Variants in RBFOX1 observed in about 807,000 individuals in gnomAD.
RBFOX1 encodes RNA binding fox-1 homolog 1, also known as RNA binding protein fox-1 homolog 1.
A neutral mutation model predicts 57.7 loss-of-function variants in RBFOX1; 8 were observed. That is an observed-to-expected ratio of 0.14 (90% CI 0.08 to 0.25). The LOEUF is 0.25. Among genes scored for constraint, RBFOX1 ranks in the 10% least tolerant of loss-of-function variants. The pLI is 1.00. For missense variants in RBFOX1, 611 were observed against 548.5 expected (o/e 1.11, Z -1.14); for synonymous variants, 326 against 222.4 (o/e 1.47, Z -4.15).
intron 1 of RBFOX1, among the ~76,000 whole-genome samples, chr16:5,291,068 G>A (rs1322677633): frequency 1.3e-5 from 2 of 152,186 alleles, no homozygotes; most frequent in Non-Finnish European, 2.9e-5. Context: ...ATCAGGAAAT[G>A]AGGCTGGAGA....
intron 4 of RBFOX1, among the ~76,000 whole-genome samples, chr16:5,941,209 C>T (rs1379781379): frequency 1.3e-5 from 2 of 151,830 alleles, no homozygotes; most frequent in Admixed American, 1.3e-4. Context: ...TAAAGAAGGG[C>T]CCAGGAGTGA....
intron 2 of RBFOX1, among the ~76,000 whole-genome samples, chr16:6,594,373 G>T (rs982541322): frequency 6.6e-6 from 1 of 152,116 alleles, no homozygotes. Flanking sequence ...AAACAAGAAT[G>T]CATGTGCGAT....
intron 1 of RBFOX1, among the ~76,000 whole-genome samples, chr16:5,433,161 G>A (rs773008165): frequency 1.3e-4 from 20 of 152,264 alleles, no homozygotes; most frequent in Non-Finnish European, 1.9e-4. Context: ...GGGATTACAC[G>A]TGTGAGCCGC....
chr16:5,992,572 G>T (rs2060419578), intron 4 of RBFOX1, among the ~76,000 whole-genome samples: 1 of 152,306 alleles, frequency 6.6e-6, no homozygotes, highest in South Asian at 2.1e-4. Context: ...TTATGTGTGT[G>T]TTGGGGAGTT....
intron 4 of RBFOX1, among the ~76,000 whole-genome samples, chr16:7,242,472 T>C (rs887726314): frequency 2.6e-5 from 4 of 152,176 alleles, no homozygotes; most frequent in Non-Finnish European, 5.9e-5. Context: ...TCACCACTTG[T>C]TGAATTTATA....
intron 3 of RBFOX1, among the ~76,000 whole-genome samples, chr16:6,875,957 C>T (rs1013461378): frequency 2.6e-5 from 4 of 152,060 alleles, no homozygotes; most frequent in African/African-American, 7.2e-5. Context: ...GCAATTATGT[C>T]ACTGCACTTC....
intron 4 of RBFOX1, among the ~76,000 whole-genome samples, chr16:7,067,202 C>G (rs549733174): frequency 6.6e-6 from 1 of 152,136 alleles, no homozygotes; most frequent in African/African-American, 2.4e-5. Context: ...ATCTTGAAAA[C>G]TTAATTAAAG....
intron 3 of RBFOX1, among the ~76,000 whole-genome samples, chr16:5,862,154 G>A (rs934261337): frequency 2.6e-5 from 4 of 152,132 alleles, no homozygotes; most frequent in African/African-American, 7.2e-5. Flanking sequence ...TGGCAAAGAC[G>A]ACCTGCTAGA....
chr16:7,594,407 A>G (rs1269339643), intron 7 of RBFOX1, among the ~76,000 whole-genome samples: 1 of 152,220 alleles, frequency 6.6e-6, no homozygotes, highest in Non-Finnish European at 1.5e-5. Context: ...GAAAAATCTG[A>G]AAGAGCTGGG....
In RBFOX1 at chr16:5,974,321, G is replaced by C. The variant is rs1986244; in HGVS notation, c.351+106986G>C. On this transcript the variant is annotated intron_variant, in intron 4 of 19. Transcript: ENST00000641259. ...GAGAGAAACATACCTGATTAAAAGA[G>C]ATCTGGGCCAGGCACGGTGGCTCAC... is the stretch of plus-strand genomic sequence containing the variant. Among the ~76,000 whole-genome samples, 713 of 152,252 alleles carry C rather than the reference G, an allele frequency of 4.7e-3. 6 individuals carry two copies. Among genetic ancestry groups the C allele is most frequent in the African/African-American group, 0.015 (642 of 41,562 alleles).
At position 7,202,665 on chromosome 16, in the gene RBFOX1, C is replaced by T. The variant is rs78409552; in HGVS notation, c.27+150567C>T. Among the ~76,000 whole-genome samples the T allele has an allele frequency of 6.4e-3, 982 of 152,306 alleles. 5 individuals carry two copies. Among genetic ancestry groups the T allele is most frequent in the South Asian group, 0.02 (97 of 4,822 alleles). Reference sequence around the variant, plus strand: ...CGACCTCCTGTCAGAGCAGCCACGGCATTAGGTTCTCACAGCAGCACAAAC... The same window carrying T: ...CGACCTCCTGTCAGAGCAGCCACGGTATTAGGTTCTCACAGCAGCACAAAC... On this transcript the variant is annotated intron_variant, in intron 4 of 15. Transcript: ENST00000550418.
intron 3 of RBFOX1, among the ~76,000 whole-genome samples, chr16:5,711,446 G>T (rs1203764088): frequency 3.9e-5 from 6 of 152,184 alleles, no homozygotes; most frequent in African/African-American, 1.4e-4. Context: ...ATACACTGGA[G>T]AACTTTTTCT....
chr16:7,251,849 A>T (rs4238871), intron 4 of RBFOX1, among the ~76,000 whole-genome samples: 1 of 152,004 alleles, frequency 6.6e-6, no homozygotes, highest in Non-Finnish European at 1.5e-5. Context: ...GGATATATAC[A>T]CAGTAGTGGG....
chr16:6,339,229 C>A (rs145699953), intron 2 of RBFOX1, among the ~76,000 whole-genome samples: 2 of 152,274 alleles, frequency 1.3e-5, no homozygotes, highest in African/African-American at 4.8e-5. Context: ...TGAGGAGTGT[C>A]CTTAGAGGTG....
intron 4 of RBFOX1, among the ~76,000 whole-genome samples, chr16:6,008,856 C>A (rs915132573): frequency 6.6e-6 from 1 of 152,120 alleles, no homozygotes; most frequent in South Asian, 2.1e-4. Context: ...AATTGCCTTA[C>A]GGAATAATGG....
At position 7,149,973 on chromosome 16, in the gene RBFOX1, T is replaced by C. The variant is rs2152273508; in HGVS notation, c.27+97875T>C. Among the ~76,000 whole-genome samples the C allele has an allele frequency of 5.3e-5, 8 of 152,262 alleles. No individual in the cohort carries two copies. The Middle Eastern group carries it at 0.017, about 324-fold the overall frequency. ...TGTTTTTCTCATACTCAGACTTTTA[T>C]GTATGGTATTTCCTCTGCTAGAACC... On this transcript the variant is annotated intron_variant, in intron 4 of 15. Transcript: ENST00000550418.
chr16:7,489,317 G>A (rs1010951395), intron 4 of RBFOX1, among the ~76,000 whole-genome samples: 4 of 152,078 alleles, frequency 2.6e-5, no homozygotes, highest in African/African-American at 9.7e-5. Flanking sequence ...AACTGCCTGA[G>A]GTACCTTTTG....
chr16:5,432,241 G>A (rs1447308490), intron 1 of RBFOX1, among the ~76,000 whole-genome samples: 2 of 152,178 alleles, frequency 1.3e-5, no homozygotes, highest in African/African-American at 4.8e-5. Flanking sequence ...GAATCAAATC[G>A]GCCTGTAAAA....
At chr16:5,848,764 T>A (rs1011418229) in intron 3 of RBFOX1, among the ~76,000 whole-genome samples, 3 of 151,966 alleles carry the variant, frequency 2.0e-5, no homozygotes, top group Admixed American at 2.0e-4. Flanking sequence ...CTGGCCAACA[T>A]GGTGAAACCC....
Sources: gnomAD v4.1 joint callset for allele counts (sites outside exome capture counted in the v4.1 genomes callset) on GRCh38, gnomAD v4.1.1 for gene constraint, MANE v1.5 for transcripts, NCBI Gene and HGNC (gene_info 2026-07-23, HGNC 2026-07-21) for gene names.